Variants in LRFN2 observed in about 807,000 individuals in gnomAD.
The protein encoded by LRFN2 is leucine-rich repeat and fibronectin type-III domain-containing protein 2.
Under a neutral mutation model 37.3 loss-of-function variants are expected in LRFN2, and 18 were observed. The observed-to-expected ratio is 0.48, with a 90% CI of 0.33 to 0.72. The LOEUF (loss-of-function observed/expected upper bound fraction) is 0.72, where lower values mean the gene tolerates loss of function less well. Among genes scored for constraint, LRFN2 ranks in the 30% least tolerant of loss-of-function variants. The pLI is 0.02. For synonymous variants in LRFN2, 556 were observed against 466.6 expected, an observed-to-expected ratio of 1.19 and a Z score of -2.47; for missense variants, 1,006 against 1,060.7, an observed-to-expected ratio of 0.95 and a Z score of 0.72.
At position 40,579,841 on chromosome 6, in the gene LRFN2, G is replaced by A. The variant is rs1034764179; in HGVS notation, c.-19+7100C>T. Among the ~76,000 whole-genome samples the A allele has an allele frequency of 7.4e-5, 10 of 134,872 alleles. No individual in the cohort carries two copies. The South Asian group carries it at 9.8e-4, about 13-fold the overall frequency. 88.5% of individuals were successfully genotyped at this position (134,872 alleles called of 152,430 possible). On this transcript the variant is annotated intron_variant, in intron 1 of 2. Transcript: ENST00000338305. Reference sequence around the variant, plus strand: ...CAGTGTCAGGCTCCCTGGGTGGCACGTAGTAGGCATTCAATTAATGCTTGC... The same window carrying A: ...CAGTGTCAGGCTCCCTGGGTGGCACATAGTAGGCATTCAATTAATGCTTGC...
At chr6:40,578,621 T>C (rs1170464090) in intron 1 of LRFN2, among the ~76,000 whole-genome samples, 1 of 152,158 alleles carries the variant, frequency 6.6e-6, no homozygotes, top group Non-Finnish European at 1.5e-5. Context: ...CTCAGTGGTA[T>C]TTTCCTAAGT....
chr6:40,480,767 G>T (rs889422103), intron 1 of LRFN2, among the ~76,000 whole-genome samples: 2 of 152,108 alleles, frequency 1.3e-5, no homozygotes, highest in African/African-American at 4.8e-5. Context: ...TTGTGATTAG[G>T]ACTTATCAAT....
chr6:40,395,696 C>T (rs150329399), intron 2 of LRFN2, among the ~76,000 whole-genome samples: 2,516 of 152,314 alleles, frequency 0.017, 34 homozygotes, highest in Non-Finnish European at 0.023. Flanking sequence ...CTTAGGCCTA[C>T]CGCAACTCCC....
At chr6:40,566,326 C>T (rs1004725043) in intron 1 of LRFN2, among the ~76,000 whole-genome samples, 5 of 152,160 alleles carry the variant, frequency 3.3e-5, no homozygotes, top group African/African-American at 1.2e-4. Flanking sequence ...GTCCGTGTGG[C>T]GATTCCTCAG....
chr6:40,514,915 C>G (rs1299474349), intron 1 of LRFN2, among the ~76,000 whole-genome samples: 1 of 152,162 alleles, frequency 6.6e-6, no homozygotes, highest in Admixed American at 6.5e-5. Flanking sequence ...TTATGCTGCC[C>G]CTGGCTGGAG....
At chr6:40,549,335 T>G (rs1173150547) in intron 1 of LRFN2, among the ~76,000 whole-genome samples, 1 of 152,196 alleles carries the variant, frequency 6.6e-6, no homozygotes, top group South Asian at 2.1e-4. Context: ...TGGCAAAACT[T>G]GTCATGCAGT....
At chr6:40,474,867 T>G (rs1433724) in intron 1 of LRFN2, among the ~76,000 whole-genome samples, 27,661 of 152,070 alleles carry the variant, frequency 0.18, 4,622 homozygotes, top group African/African-American at 0.44. Flanking sequence ...TCATTTGGAG[T>G]TTGCTATTCC....
intron 1 of LRFN2, among the ~76,000 whole-genome samples, chr6:40,464,991 G>A (rs1202616456): frequency 6.6e-6 from 1 of 152,200 alleles, no homozygotes; most frequent in Non-Finnish European, 1.5e-5. Flanking sequence ...TATAATTAAA[G>A]TTGCTAATCA....
In LRFN2 at chr6:40,422,393, C is replaced by T. The variant is rs114536411; in HGVS notation, c.1400+9321G>A. Among the ~76,000 whole-genome samples, 455 of 152,222 alleles carry T rather than the reference C, an allele frequency of 3.0e-3. 1 individual carries two copies. Among genetic ancestry groups the T allele is most frequent in the Non-Finnish European group, 5.1e-3 (344 of 68,008 alleles). On this transcript the variant is annotated intron_variant, in intron 2 of 2. Transcript: ENST00000338305. ...ATGCATGTCAAAATCACTGGGAGAG[C>T]CTTAAAAACGAGAATATCCAGGCAC...
intron 1 of LRFN2, among the ~76,000 whole-genome samples, chr6:40,506,993 G>A (rs1006149004): frequency 1.3e-5 from 2 of 152,174 alleles, no homozygotes; most frequent in Non-Finnish European, 2.9e-5. Context: ...AAATTATAAA[G>A]TACTAGACAG....
intron 2 of LRFN2, among the ~76,000 whole-genome samples, chr6:40,396,996 C>G (rs2113793645): frequency 6.6e-6 from 1 of 152,278 alleles, no homozygotes; most frequent in African/African-American, 2.4e-5. Flanking sequence ...TGAACTTTCC[C>G]TTGGGGGAAT....
At chr6:40,423,130 C>G (rs1022251485) in intron 2 of LRFN2, among the ~76,000 whole-genome samples, 17 of 152,174 alleles carry the variant, frequency 1.1e-4, no homozygotes, top group African/African-American at 4.1e-4. Context: ...AAACATCTCC[C>G]CTATGCACAA....
chr6:40,414,825 C>T (rs1763060747), intron 2 of LRFN2, among the ~76,000 whole-genome samples: 1 of 152,188 alleles, frequency 6.6e-6, no homozygotes, highest in Non-Finnish European at 1.5e-5. Context: ...CGGCCCTGGG[C>T]CACTCTCTTT....
intron 1 of LRFN2, among the ~76,000 whole-genome samples, chr6:40,490,867 C>G (rs1765075944): frequency 6.6e-6 from 1 of 152,214 alleles, no homozygotes; most frequent in African/African-American, 2.4e-5. Flanking sequence ...TCCCGGCTTC[C>G]CTGGCTTCGA....
rs1023873206 is a variant in LRFN2, at chr6:40,481,139, G to T, written c.-18-48008C>A. Among the ~76,000 whole-genome samples, 5 of 152,210 alleles carry T rather than the reference G, an allele frequency of 3.3e-5. No homozygotes were observed. The East Asian group carries it at 9.7e-4, about 29-fold the overall frequency. On this transcript the variant is annotated intron_variant, in intron 1 of 2. Coordinates refer to ENST00000338305, the MANE Select transcript of LRFN2 (RefSeq NM_020737.3). ...TCTGGGGGCTTTAGTTTTGAAGGAAGAAAAGCATTTATTGGGCCCAGTGCA... is the reference window on the plus strand; with the variant it reads ...TCTGGGGGCTTTAGTTTTGAAGGAATAAAAGCATTTATTGGGCCCAGTGCA...
chr6:40,515,202 G>A (rs1326302478), intron 1 of LRFN2, among the ~76,000 whole-genome samples: 1 of 152,194 alleles, frequency 6.6e-6, no homozygotes, highest in Admixed American at 6.5e-5. Context: ...AGTAAAGGGG[G>A]GAAGGGGATC....
intron 1 of LRFN2, among the ~76,000 whole-genome samples, chr6:40,442,767 T>G (rs1370136701): frequency 6.6e-6 from 1 of 150,708 alleles, no homozygotes; most frequent in Non-Finnish European, 1.5e-5. Flanking sequence ...TCATGTTTCC[T>G]CACAGCCACC....
At chr6:40,399,456 G>C (rs1412261369) in intron 2 of LRFN2, among the ~76,000 whole-genome samples, 1 of 99,150 alleles carries the variant, frequency 1.0e-5, no homozygotes, top group African/African-American at 3.6e-5. Context: ...TTTTTTTTGA[G>C]ACACAGTCTC....
At chr6:40,493,026 G>C (rs1229327900) in intron 1 of LRFN2, among the ~76,000 whole-genome samples, 3 of 152,042 alleles carry the variant, frequency 2.0e-5, no homozygotes, top group African/African-American at 7.2e-5. Flanking sequence ...TGAGGCACAG[G>C]AGCTCATTTG....
Sources: gnomAD v4.1 joint callset for allele counts (sites outside exome capture counted in the v4.1 genomes callset) on GRCh38, gnomAD v4.1.1 for gene constraint, MANE v1.5 for transcripts, NCBI Gene and HGNC (gene_info 2026-07-23, HGNC 2026-07-21) for gene names.